NEB: variants seen among roughly 807,000 people sequenced by gnomAD.
NEB encodes nebulin.
NEB carries 512 observed loss-of-function variants against 952.2 expected under a neutral mutation model. That is an observed-to-expected ratio of 0.54 (90% CI 0.50 to 0.58). The LOEUF (loss-of-function observed/expected upper bound fraction) is 0.58, where lower values mean the gene tolerates loss of function less well. NEB is among the 20% of genes least tolerant of loss of function. NEB has a pLI of 0.00. For synonymous variants in NEB, 2,900 were observed against 3,149.8 expected (o/e 0.92, Z 2.66); for missense variants, 8,428 against 9,231.1 (o/e 0.91, Z 3.56).
chr2:151,548,222 A>T, intron 131 of NEB, 86 bp downstream of exon 131: 2 of 1,115,638 alleles, frequency 1.8e-6, no homozygotes, highest in Non-Finnish European at 1.3e-6. Context: ...TTTACAACTG[A>T]AATAAGATTA....
intron 71 of NEB, among the ~76,000 whole-genome samples, chr2:151,625,219 A>T (rs2098497025): frequency 6.6e-6 from 1 of 152,226 alleles, no homozygotes; most frequent in African/African-American, 2.4e-5. Flanking sequence ...TGAAGCAAGT[A>T]CTAATTTGAT....
Position 151,678,201 on chromosome 2 carries a change from A to T in NEB, c.3256-14T>A. On this transcript the variant is annotated splice_polypyrimidine_tract_variant and intron_variant, in intron 32 of 181. Transcript: ENST00000397345. ...TTTGTACTGAACCTATTGTAAACAA[A>T]GGTGGGCATAATTTAAAATGTAGTT... 1 of 1,523,162 alleles carries T rather than the reference A, an allele frequency of 6.6e-7. No homozygotes were observed. 94.4% of individuals were successfully genotyped at this position (1,523,162 alleles called of 1,614,324 possible).
chr2:151,562,749 C>A lies in NEB; in HGVS notation c.18753G>T (p.Met6251Ile), dbSNP rs2096148633. 6.3e-7 allele frequency: 1 copy of A among 1,599,744 alleles called. No homozygotes were observed. The highest frequency in any genetic ancestry group is 8.5e-7 in the Non-Finnish European group (1 of 1,172,472). The change falls in exon 120 of 182, where the codon ATG becomes ATT. Residue 6251 changes from methionine (M) to isoleucine (I), a missense_variant. By Grantham distance (10) the Met-to-Ile change is conservative. Coordinates refer to ENST00000397345, the MANE Select transcript of NEB (RefSeq NM_001164508.2). ...TKANVHIPND[M>I]MNHVLAKRCQ... Reference sequence around the variant, plus strand: ...ACCTTTTAGCCAGCACGTGATTCATCATGTCATTGGGGATATGAACATTTG... The same window carrying A: ...ACCTTTTAGCCAGCACGTGATTCATAATGTCATTGGGGATATGAACATTTG...
Position 151,684,818 on chromosome 2 carries a change from T to G in NEB, c.2795A>C (p.Asn932Thr). The G allele has an allele frequency of 1.2e-6, 2 of 1,613,210 alleles. No individual in the cohort carries two copies. The highest frequency in any genetic ancestry group is 1.7e-6 in the Non-Finnish European group (2 of 1,179,528). ...ATATGCCTTCTTGGCAAGGTCCACATTGATGCTATCAGGGGGGTAGCTGTA... is the reference window on the plus strand; with the variant it reads ...ATATGCCTTCTTGGCAAGGTCCACAGTGATGCTATCAGGGGGGTAGCTGTA... The part of the protein sequence containing the change: ...HSYSYPPDSI[N>T]VDLAKKAYAL... The change falls in exon 28 of 182, where the codon AAT becomes ACT. Residue 932 changes from asparagine to threonine, a missense_variant. By Grantham distance (65) the Asn-to-Thr change is moderately conservative. This residue lies in a region of NEB where 2,851 missense variants were observed against 2,791.5 expected (regional missense o/e 1.02). Coordinates refer to ENST00000397345, the MANE Select transcript of NEB (RefSeq NM_001164508.2).
intron 67 of NEB, among the ~76,000 whole-genome samples, chr2:151,630,272 T>C (rs572091314): frequency 1.3e-5 from 2 of 152,204 alleles, no homozygotes; most frequent in African/African-American, 2.4e-5. Context: ...AGAACACTTC[T>C]TCCTTATGCC....
At chr2:151,629,939 T>A (rs923315940) in intron 67 of NEB, among the ~76,000 whole-genome samples, 1 of 152,058 alleles carries the variant, frequency 6.6e-6, no homozygotes, top group Non-Finnish European at 1.5e-5. Context: ...TCAGCATAGA[T>A]CAATACAATC....
At position 151,663,397 on chromosome 2, in the gene NEB, A is replaced by G. The variant is rs1461031893; in HGVS notation, c.5763+151T>C. ...AGAATTGATCTCCTTTTGTTAAAGG[A>G]CATGAATTCAATCTAAGGTAACAAA... On this transcript the variant is annotated intron_variant, in intron 45 of 181. Coordinates refer to ENST00000397345, the MANE Select transcript of NEB (RefSeq NM_001164508.2). The G allele has an allele frequency of 7.9e-6, 6 of 759,174 alleles. No individual in the cohort carries two copies. The African/African-American group carries it at 1.1e-4, about 13-fold the overall frequency. The allele number at this position is 759,174 out of a possible 1,614,324, so 47.0% of individuals were successfully genotyped here. A position where few individuals can be genotyped will look rare whatever the true frequency, so the allele number is the denominator to read the frequency against.
In NEB at chr2:151,490,534, T is replaced by C. The variant is rs199665245; in HGVS notation, c.25151-16A>G. The C allele has an allele frequency of 1.7e-5, 27 of 1,605,824 alleles. No individual in the cohort carries two copies. The African/African-American group carries it at 2.5e-4, about 15-fold the overall frequency. On this transcript the variant is annotated splice_polypyrimidine_tract_variant and intron_variant, in intron 179 of 181. Coordinates refer to ENST00000397345, the MANE Select transcript of NEB (RefSeq NM_001164508.2). ...TGAGCTTGGACTGGGAGAGATGCAGTTGGGGGAGATGTAGCAAACATGAAA... is the reference window on the plus strand; with the variant it reads ...TGAGCTTGGACTGGGAGAGATGCAGCTGGGGGAGATGTAGCAAACATGAAA...
chr2:151,562,524 CGGGA>C (rs2096131278), intron 120 of NEB, 83 bp downstream of exon 120: 7 of 1,296,336 alleles, frequency 5.4e-6, no homozygotes, highest in Non-Finnish European at 7.3e-6. Flanking sequence ...ACAGGGACAA[CGGGA>C]GCATGGCAGC....
At chr2:151,674,193 A>C (rs1051417187) in intron 36 of NEB, among the ~76,000 whole-genome samples, 1 of 152,146 alleles carries the variant, frequency 6.6e-6, no homozygotes, top group Non-Finnish European at 1.5e-5. Context: ...GTTCCCACTG[A>C]AAATAAATGT....
chr2:151,684,977 T>C lies in NEB; in HGVS notation c.2638-2A>G. On this transcript the variant is annotated splice_acceptor_variant, in intron 27 of 181. Transcript: ENST00000397345. LOFTEE classifies it high-confidence loss of function. ...TTCATAATCTTTTCGATATTCGCGCTGTGAATAGGAAATTATCATTTATTA... is the reference window on the plus strand; with the variant it reads ...TTCATAATCTTTTCGATATTCGCGCCGTGAATAGGAAATTATCATTTATTA... 1.9e-6 allele frequency: 3 copies of C among 1,591,646 alleles called. No individual in the cohort carries two copies. Among genetic ancestry groups the C allele is most frequent in the Non-Finnish European group, 2.6e-6 (3 of 1,166,322 alleles).
At chr2:151,730,151 C>T (rs903512988) in intron 3 of NEB, among the ~76,000 whole-genome samples, 2 of 152,106 alleles carry the variant, frequency 1.3e-5, no homozygotes, top group African/African-American at 4.8e-5. Context: ...CAAGGTATAT[C>T]CACATCTCAA....
chr2:151,715,421 C>G (rs1056623757), intron 10 of NEB, among the ~76,000 whole-genome samples: 1 of 152,136 alleles, frequency 6.6e-6, no homozygotes. Context: ...ATCCCCACCC[C>G]CCAAATTCAT....
In NEB at chr2:151,524,654, CTTTTTTTTTTTTT is replaced by C. The variant is rs5835371; in HGVS notation, c.22273-51_22273-39del. ...AGAAAATGTTTACTCAAGAGAGAGGCTTTTTTTTTTTTTTTTTTTTTTTTTTTTTTGAGATGGA... is the reference window on the plus strand; with the variant it reads ...AGAAAATGTTTACTCAAGAGAGAGGCTTTTTTTTTTTTTTTTTGAGATGGA... On this transcript the variant is annotated intron_variant, in intron 151 of 181. Transcript: ENST00000397345. 69 of 257,358 alleles carry C rather than the reference CTTTTTTTTTTTTT, an allele frequency of 2.7e-4. 1 individual carries two copies. Among genetic ancestry groups the C allele is most frequent in the East Asian group, 6.3e-4 (6 of 9,508 alleles). 15.9% of individuals were successfully genotyped at this position (257,358 alleles called of 1,614,324 possible).
At chr2:151,551,877 A>G (rs1464934048) in intron 128 of NEB, 32 bp from the exon 129 acceptor site, 3 of 1,495,330 alleles carry the variant, frequency 2.0e-6, no homozygotes, top group Non-Finnish European at 2.8e-6. Flanking sequence ...TTAGAAGCAA[A>G]GAGAATGGGA....
In NEB at chr2:151,727,816, G is replaced by A; in HGVS notation, c.169C>T (p.Leu57=). Residue 57 remains leucine (L), a synonymous_variant, in exon 5 of 182, where the codon CTG becomes TTG. Coordinates refer to ENST00000397345, the MANE Select transcript of NEB (RefSeq NM_001164508.2). ...GGCTTTGCTGATGCTGGCTGTGCCA[G>A]TGCTGGCTGTGCCAGAGCTGGTTTG... ...TSKPALAQPA[L]AQPASAKPVE... 1 of 1,599,150 alleles carries A rather than the reference G, an allele frequency of 6.3e-7. No individual in the cohort carries two copies. The highest frequency in any genetic ancestry group is 1.5e-5 in the African/African-American group (1 of 68,202).
intron 181 of NEB, among the ~76,000 whole-genome samples, chr2:151,488,210 G>A (rs2052750747): frequency 6.6e-6 from 1 of 151,866 alleles, no homozygotes; most frequent in Non-Finnish European, 1.5e-5. Context: ...TTTTTGTTAT[G>A]TATGCTGTAA....
Position 151,579,388 on chromosome 2 carries a change from C to G in NEB, c.16654G>C (p.Asp5552His), listed in dbSNP as rs1057523613. The G allele has an allele frequency of 8.5e-6, 13 of 1,531,220 alleles. 2 individuals carry two copies. Among genetic ancestry groups the G allele is most frequent in the Non-Finnish European group, 1.1e-5 (13 of 1,133,690 alleles). The allele number at this position is 1,531,220 out of a possible 1,614,324, so 94.9% of individuals were successfully genotyped here. A position where few individuals can be genotyped will look rare whatever the true frequency, so the allele number is the denominator to read the frequency against. Residue 5552 changes from aspartate to histidine, a missense_variant, in exon 105 of 182, where the codon GAC (aspartate) becomes CAC (histidine). This residue lies in a region of NEB where 19 missense variants were observed against 49.3 expected (regional missense o/e 0.39). Coordinates refer to ENST00000397345, the MANE Select transcript of NEB (RefSeq NM_001164508.2). ...CTGGCTTGGATCACATCATTCTGGT[C>G]GGGAAAGCAAGACCAGCGGTGCAGG... is the stretch of plus-strand genomic sequence containing the variant. The part of the protein sequence containing the change: ...HYLHRWSCFP[D>H]QNDVIQARKA...
intron 145 of NEB, among the ~76,000 whole-genome samples, chr2:151,529,702 G>A (rs568941097): frequency 1.3e-5 from 2 of 152,168 alleles, no homozygotes; most frequent in South Asian, 4.2e-4. Context: ...GGCTAATTTT[G>A]TATTTTAGTA....
Sources: gnomAD v4.1 joint callset for allele counts (sites outside exome capture counted in the v4.1 genomes callset) on GRCh38, gnomAD v4.1.1 for gene constraint, gnomAD v4.1.1 regional missense constraint, MANE v1.5 for transcripts, NCBI Gene and HGNC (gene_info 2026-07-23, HGNC 2026-07-21) for gene names.